Variants in KIRREL3 observed in about 807,000 individuals in gnomAD.
The protein encoded by KIRREL3 is kin of IRRE-like protein 3.
In KIRREL3, 36 loss-of-function variants were observed where a neutral mutation model predicts 89.7. The ratio of observed to expected loss-of-function variants is 0.40; its 90% CI spans 0.31 to 0.53. The LOEUF (loss-of-function observed/expected upper bound fraction) is 0.53, where lower values mean the gene tolerates loss of function less well. Among genes scored for constraint, KIRREL3 ranks in the 20% least tolerant of loss-of-function variants. The probability of loss-of-function intolerance (pLI) is 0.49; values close to 1 mark genes in which losing one functional copy is unlikely to be tolerated. For synonymous variants in KIRREL3, 445 were observed against 441.4 expected, an observed-to-expected ratio of 1.01 and a Z score of -0.10; for missense variants, 864 against 1,056.6, an observed-to-expected ratio of 0.82 and a Z score of 2.53.
At chr11:126,590,443 T>C (rs779672764) in intron 1 of KIRREL3, among the ~76,000 whole-genome samples, 4 of 152,224 alleles carry the variant, frequency 2.6e-5, no homozygotes, top group Non-Finnish European at 5.9e-5. Flanking sequence ...AGAAACTAGC[T>C]GCTGTGGCAG....
At chr11:126,859,433 T>C (rs1440029847) in intron 1 of KIRREL3, among the ~76,000 whole-genome samples, 2 of 152,128 alleles carry the variant, frequency 1.3e-5, no homozygotes, top group African/African-American at 4.8e-5. Context: ...TGAATCATGG[T>C]GCTATACAAG....
rs1386989363 is a variant in KIRREL3, at chr11:126,591,703, T to C, written c.56-28791A>G. Among the ~76,000 whole-genome samples the C allele has an allele frequency of 2.0e-5, 3 of 152,228 alleles. No individual in the cohort carries two copies. The East Asian group carries it at 5.8e-4, about 29-fold the overall frequency. ...AACTGGGTGAGGAACAGGAGCACTA[T>C]AAATATTGCTACAATTTCTTCATCA... is the stretch of plus-strand genomic sequence containing the variant. On this transcript the variant is annotated intron_variant, in intron 1 of 16. Transcript: ENST00000525144.
intron 1 of KIRREL3, among the ~76,000 whole-genome samples, chr11:126,711,130 A>C (rs1818471715): frequency 6.6e-6 from 1 of 152,326 alleles, no homozygotes; most frequent in South Asian, 2.1e-4. Flanking sequence ...GGAGAATCTA[A>C]AGTGCTTTTG....
Position 126,791,955 on chromosome 11 carries a change from A to G in KIRREL3, c.55+208500T>C, listed in dbSNP as rs1278750379. On this transcript the variant is annotated intron_variant, in intron 1 of 16. Coordinates refer to ENST00000525144, the MANE Select transcript of KIRREL3 (RefSeq NM_032531.4). The surrounding 1 kb of genome is among the most constrained non-coding windows in gnomAD (Gnocchi z 4.8). The stretch of plus-strand genomic sequence containing the variant: ...TTTCAAAGAAAAACAGGTGAAATTC[A>G]TTGGTGGTGTGGTTCTCCTCTTCTC... 1.3e-5 allele frequency among the ~76,000 whole-genome samples: 2 copies of G among 150,414 alleles called. No individual in the cohort carries two copies. The highest frequency in any genetic ancestry group is 1.3e-4 in the Admixed American group (2 of 15,222).
At chr11:126,781,220 T>A (rs1300085357) in intron 1 of KIRREL3, among the ~76,000 whole-genome samples, 1 of 152,160 alleles carries the variant, frequency 6.6e-6, no homozygotes, top group East Asian at 1.9e-4. Context: ...CATAATTTAA[T>A]CTCTCTGGGT....
Position 126,797,939 on chromosome 11 carries a change from G to A in KIRREL3, c.55+202516C>T, listed in dbSNP as rs1214879961. The stretch of plus-strand genomic sequence containing the variant: ...CCTGAGGGCCTATGGACACTGCAAA[G>A]TAACACATGGGCTGTTTGTGCTTTT... On this transcript the variant is annotated intron_variant, in intron 1 of 16. Coordinates refer to ENST00000525144, the MANE Select transcript of KIRREL3 (RefSeq NM_032531.4). This position sits in a 1 kb window ranked among gnomAD's most constrained non-coding sequence, Gnocchi z 4.9. 6.6e-6 allele frequency among the ~76,000 whole-genome samples: 1 copy of A among 152,214 alleles called. No homozygotes were observed. Among genetic ancestry groups the A allele is most frequent in the African/African-American group, 2.4e-5 (1 of 41,454 alleles).
chr11:126,769,375 G>A lies in KIRREL3; in HGVS notation c.56-206463C>T, dbSNP rs1343791604. ...GATAGAATTTTGGTGATAAAGAGAG[G>A]CCAGAGTCTCACAAATCCTGCAATA... On this transcript the variant is annotated intron_variant, in intron 1 of 16. Transcript: ENST00000525144. The surrounding 1 kb of genome is among the most constrained non-coding windows in gnomAD (Gnocchi z 4.3). 6.6e-6 allele frequency among the ~76,000 whole-genome samples: 1 copy of A among 152,134 alleles called. No homozygotes were observed. Among genetic ancestry groups the A allele is most frequent in the Non-Finnish European group, 1.5e-5 (1 of 68,024 alleles).
At chr11:126,532,912 C>T (rs1438865733) in intron 2 of KIRREL3, among the ~76,000 whole-genome samples, 1 of 151,574 alleles carries the variant, frequency 6.6e-6, no homozygotes, top group East Asian at 1.9e-4. Flanking sequence ...TATAATATAG[C>T]TTATAATTAT....
At chr11:126,941,933 C>T (rs1939994) in intron 1 of KIRREL3, among the ~76,000 whole-genome samples, 14,275 of 152,254 alleles carry the variant, frequency 0.094, 756 homozygotes, top group African/African-American at 0.15. Flanking sequence ...CTCTGTGACA[C>T]TCTAAACTGC....
chr11:126,756,111 G>A (rs1949491545), intron 1 of KIRREL3, among the ~76,000 whole-genome samples: 2 of 152,266 alleles, frequency 1.3e-5, no homozygotes, highest in Admixed American at 6.5e-5. Context: ...GGCCAATAAA[G>A]CTCATATTGT....
In KIRREL3 at chr11:126,566,413, G is replaced by C. The variant is rs1414327993; in HGVS notation, c.56-3501C>G. ...TCCTGCTCTGAGCCCGTAGGACCAA[G>C]CACAGTGCCTGACACATGGTAAGTG... On this transcript the variant is annotated intron_variant, in intron 1 of 16. Transcript: ENST00000525144. This position sits in a 1 kb window ranked among gnomAD's most constrained non-coding sequence, Gnocchi z 4.9. 2.0e-5 allele frequency among the ~76,000 whole-genome samples: 3 copies of C among 152,244 alleles called. No homozygotes were observed. The highest frequency in any genetic ancestry group is 2.9e-5 in the Non-Finnish European group (2 of 68,040).
rs538308433 is a variant in KIRREL3 at position 126,955,108 on chromosome 11, T to C, written c.55+45347A>G. On this transcript the variant is annotated intron_variant, in intron 1 of 16. Coordinates refer to ENST00000525144, the MANE Select transcript of KIRREL3 (RefSeq NM_032531.4). The surrounding 1 kb of genome is among the most constrained non-coding windows in gnomAD (Gnocchi z 4.6). ...AGGCCACATCTGCCTGAGGGGGTAC[T>C]GCTGCAGGCGTGTGGCTTTTCACTG... Among the ~76,000 whole-genome samples the C allele has an allele frequency of 4.3e-4, 66 of 152,350 alleles. No homozygotes were observed. Among genetic ancestry groups the C allele is most frequent in the African/African-American group, 1.5e-3 (61 of 41,578 alleles).
At chr11:126,444,183 C>T (rs1955697544) in intron 10 of KIRREL3, among the ~76,000 whole-genome samples, 4 of 152,190 alleles carry the variant, frequency 2.6e-5, no homozygotes, top group African/African-American at 2.4e-5. Context: ...TACTCCCCTG[C>T]TGCAATTATT....
intron 4 of KIRREL3, among the ~76,000 whole-genome samples, chr11:126,479,707 C>A (rs1957170061): frequency 6.6e-6 from 1 of 152,216 alleles, no homozygotes; most frequent in South Asian, 2.1e-4. Context: ...AGGCTGCCTG[C>A]TCCCTTCGCT....
At chr11:126,435,529 G>A (rs1309172043) in intron 12 of KIRREL3, among the ~76,000 whole-genome samples, 1 of 151,656 alleles carries the variant, frequency 6.6e-6, no homozygotes, top group Non-Finnish European at 1.5e-5. Flanking sequence ...ACGTCTCGGA[G>A]GGGTCTGGGA....
rs1942898145 is a variant in KIRREL3 at position 126,606,562 on chromosome 11, T to C, written c.56-43650A>G. ...CACATTTCCCCACCTTAGGGTGGTC[T>C]CCAGACCACATCCCAGATGACCTTA... On this transcript the variant is annotated intron_variant, in intron 1 of 16. Coordinates refer to ENST00000525144, the MANE Select transcript of KIRREL3 (RefSeq NM_032531.4). This position sits in a 1 kb window ranked among gnomAD's most constrained non-coding sequence, Gnocchi z 4.6. Among the ~76,000 whole-genome samples, 1 of 152,076 alleles carries C rather than the reference T, an allele frequency of 6.6e-6. No individual in the cohort carries two copies. The highest frequency in any genetic ancestry group is 2.1e-4 in the South Asian group (1 of 4,806).
Position 126,454,416 on chromosome 11 carries a change from C to T in KIRREL3, c.848+1933G>A, listed in dbSNP as rs1956275136. Among the ~76,000 whole-genome samples, 1 of 152,090 alleles carries T rather than the reference C, an allele frequency of 6.6e-6. No homozygotes were observed. Among genetic ancestry groups the T allele is most frequent in the Admixed American group, 6.5e-5 (1 of 15,274 alleles). Reference sequence around the variant, plus strand: ...GAAACGAAAGTCGAAAGTTGTGTGTCCTGGTCTCTGGGGCGCCCAACAGGC... The same window carrying T: ...GAAACGAAAGTCGAAAGTTGTGTGTTCTGGTCTCTGGGGCGCCCAACAGGC... On this transcript the variant is annotated intron_variant, in intron 7 of 16. Coordinates refer to ENST00000525144, the MANE Select transcript of KIRREL3 (RefSeq NM_032531.4). This position sits in a 1 kb window ranked among gnomAD's most constrained non-coding sequence, Gnocchi z 5.8.
At chr11:126,510,871 A>G (rs897127215) in intron 4 of KIRREL3, among the ~76,000 whole-genome samples, 10 of 151,640 alleles carry the variant, frequency 6.6e-5, no homozygotes, top group Admixed American at 2.0e-4. Context: ...TGACTGCTCA[A>G]CTCTCTCTCT....
rs1413097722 is a variant in KIRREL3, at chr11:126,530,797, G to A, written c.134-4110C>T. 6.6e-6 allele frequency among the ~76,000 whole-genome samples: 1 copy of A among 152,140 alleles called. No individual in the cohort carries two copies. The highest frequency in any genetic ancestry group is 1.5e-5 in the Non-Finnish European group (1 of 68,024). ...GTTCCCCTGGTGTGAAGCCTTGGCG[G>A]CCGGTGCAATCTCCCCTTCCCATAC... On this transcript the variant is annotated intron_variant, in intron 2 of 16. Transcript: ENST00000525144. The surrounding 1 kb of genome is among the most constrained non-coding windows in gnomAD (Gnocchi z 5.8).
Sources: gnomAD v4.1 joint callset for allele counts (sites outside exome capture counted in the v4.1 genomes callset) on GRCh38, gnomAD v4.1.1 for gene constraint, Gnocchi (gnomAD v3.1) non-coding constraint, MANE v1.5 for transcripts, NCBI Gene and HGNC (gene_info 2026-07-23, HGNC 2026-07-21) for gene names.